COL26A1: variants seen among roughly 807,000 people sequenced by gnomAD.
COL26A1 encodes the protein collagen alpha-1(XXVI) chain.
COL26A1 carries 41 observed loss-of-function variants against 59.3 expected under a neutral mutation model. The ratio of observed to expected loss-of-function variants is 0.69; its 90% CI spans 0.54 to 0.90. COL26A1 has a LOEUF of 0.90. Among genes scored for constraint, COL26A1 ranks in the 40% least tolerant of loss-of-function variants. COL26A1 has a pLI of 0.00. For synonymous variants in COL26A1, 266 were observed against 256.0 expected (o/e 1.04, Z -0.37); for missense variants, 612 against 602.3 (o/e 1.02, Z -0.17).
intron 3 of COL26A1, among the ~76,000 whole-genome samples, chr7:101,524,122 T>C (rs1380151664): frequency 6.6e-6 from 1 of 151,896 alleles, no homozygotes; most frequent in Non-Finnish European, 1.5e-5. Context: ...ATACAAAAAA[T>C]TAGCCGGGCA....
intron 4 of COL26A1, among the ~76,000 whole-genome samples, chr7:101,539,011 C>T (rs1483240919): frequency 6.6e-6 from 1 of 152,230 alleles, no homozygotes; most frequent in Non-Finnish European, 1.5e-5. Flanking sequence ...TCGGGGGCAG[C>T]AGAGACTCAC....
At chr7:101,424,048 T>A (rs1236088881) in intron 2 of COL26A1, among the ~76,000 whole-genome samples, 3 of 150,754 alleles carry the variant, frequency 2.0e-5, no homozygotes, top group African/African-American at 7.3e-5. Flanking sequence ...TTTTTACAAA[T>A]TTTTTAAAAA....
Position 101,467,118 on chromosome 7 carries a change from G to A in COL26A1, c.385+19331G>A, listed in dbSNP as rs142865130. 2.7e-3 allele frequency among the ~76,000 whole-genome samples: 413 copies of A among 152,122 alleles called. 1 individual carries two copies. The highest frequency in any genetic ancestry group is 9.5e-3 in the African/African-American group (396 of 41,512). On this transcript the variant is annotated intron_variant, in intron 3 of 12. Transcript: ENST00000313669. ...GGGATGCTGTGAACGTCCCTGGGAG[G>A]TGGTGGGTTGTGTAGACAGAGGCCG...
chr7:101,363,624 G>T (rs1409407010), intron 1 of COL26A1, among the ~76,000 whole-genome samples: 1 of 132,482 alleles, frequency 7.5e-6, no homozygotes. Context: ...CTGCGGGGCT[G>T]CGGGGTTGCG....
rs541620995 is a variant in COL26A1 at position 101,507,945 on chromosome 7, C to T, written c.386-25137C>T. 2.6e-5 allele frequency among the ~76,000 whole-genome samples: 4 copies of T among 152,282 alleles called. No homozygotes were observed. In the East Asian group the frequency reaches 5.8e-4, roughly 22 times the overall value. On this transcript the variant is annotated intron_variant, in intron 3 of 12. Transcript: ENST00000313669. ...CCCCTTCCTCAAGGCACGTGACTGCCATCTGCTGGAAAACTGCCGTAATAT... is the reference window on the plus strand; with the variant it reads ...CCCCTTCCTCAAGGCACGTGACTGCTATCTGCTGGAAAACTGCCGTAATAT...
chr7:101,525,500 TG>T (rs1161967453), intron 3 of COL26A1, among the ~76,000 whole-genome samples: 1 of 136,634 alleles, frequency 7.3e-6, no homozygotes, highest in Non-Finnish European at 1.6e-5. Flanking sequence ...ACTGTTTTTT[TG>T]GTTTTTTTTT....
chr7:101,397,353 C>T (rs929501800), intron 1 of COL26A1, among the ~76,000 whole-genome samples: 17 of 116,306 alleles, frequency 1.5e-4, no homozygotes, highest in African/African-American at 5.4e-4. Context: ...CTTTCTTTTC[C>T]TTCCTTCCTT....
intron 2 of COL26A1, among the ~76,000 whole-genome samples, chr7:101,426,733 C>A (rs1418015527): frequency 6.6e-6 from 1 of 152,180 alleles, no homozygotes; most frequent in Non-Finnish European, 1.5e-5. Flanking sequence ...AGGTCCTGCA[C>A]TGAGCCTTGC....
chr7:101,401,116 G>A (rs774961126), intron 1 of COL26A1, among the ~76,000 whole-genome samples: 1 of 152,186 alleles, frequency 6.6e-6, no homozygotes, highest in African/African-American at 2.4e-5. Context: ...GGATGGCGCT[G>A]TCATACCAGC....
chr7:101,428,602 T>G (rs1335059896), intron 2 of COL26A1, among the ~76,000 whole-genome samples: 1 of 152,112 alleles, frequency 6.6e-6, no homozygotes, highest in African/African-American at 2.4e-5. Flanking sequence ...AAATATATTT[T>G]TGTGCATGTG....
intron 3 of COL26A1, among the ~76,000 whole-genome samples, chr7:101,528,375 G>C (rs1562790447): frequency 6.6e-6 from 1 of 152,256 alleles, no homozygotes. Flanking sequence ...AGTTTGCCCA[G>C]AGTTCCTGGA....
At chr7:101,507,103 CAG>C (rs1482583278) in intron 3 of COL26A1, among the ~76,000 whole-genome samples, 3 of 152,088 alleles carry the variant, frequency 2.0e-5, no homozygotes, top group African/African-American at 4.8e-5. Flanking sequence ...TTAGCAGAGA[CAG>C]AGTTTCACCA....
intron 3 of COL26A1, among the ~76,000 whole-genome samples, chr7:101,486,183 A>T (rs1794264534): frequency 6.6e-6 from 1 of 152,008 alleles, no homozygotes; most frequent in East Asian, 1.9e-4. Flanking sequence ...AAAAAAAAAA[A>T]AAAGTAGTCT....
rs148496430 is a variant in COL26A1 at position 101,494,127 on chromosome 7, C to CGTTTT, written c.386-38935_386-38931dup. ...GGTACTTCTACTTCTATTGCATTGT[C>CGTTTT]GTTTTGTTTTGTTTTGTTTTGTTTG... On this transcript the variant is annotated intron_variant, in intron 3 of 12. Coordinates refer to ENST00000313669, the MANE Select transcript of COL26A1 (RefSeq NM_001278563.3). Among the ~76,000 whole-genome samples the CGTTTT allele has an allele frequency of 4.3e-3, 651 of 151,508 alleles. 4 individuals carry two copies. The highest frequency in any genetic ancestry group is 7.1e-3 in the South Asian group (34 of 4,782).
intron 1 of COL26A1, among the ~76,000 whole-genome samples, chr7:101,408,645 G>A (rs1280456649): frequency 1.3e-5 from 2 of 152,222 alleles, no homozygotes; most frequent in Non-Finnish European, 2.9e-5. Context: ...CCACAACTCT[G>A]TTGACTCATG....
intron 3 of COL26A1, among the ~76,000 whole-genome samples, chr7:101,492,360 A>G (rs749776373): frequency 6.6e-6 from 1 of 152,160 alleles, no homozygotes; most frequent in Non-Finnish European, 1.5e-5. Context: ...ACTACTGTCA[A>G]AATTATTATT....
chr7:101,506,485 AC>A (rs1311409866), intron 3 of COL26A1, among the ~76,000 whole-genome samples: 1 of 152,016 alleles, frequency 6.6e-6, no homozygotes. Context: ...TACCCAGCCC[AC>A]CCCCTGGGAC....
At chr7:101,510,389 A>G (rs1164046603) in intron 3 of COL26A1, among the ~76,000 whole-genome samples, 1 of 152,038 alleles carries the variant, frequency 6.6e-6, no homozygotes, top group Admixed American at 6.6e-5. Flanking sequence ...AAACTCAGTA[A>G]TTCCGTTCAC....
At position 101,370,578 on chromosome 7, in the gene COL26A1, G is replaced by T. The variant is rs140912460; in HGVS notation, c.158+7388G>T. On this transcript the variant is annotated intron_variant, in intron 1 of 12. Coordinates refer to ENST00000313669, the MANE Select transcript of COL26A1 (RefSeq NM_001278563.3). ...GAAGAGATGGGGTTTTGTCATGTTG[G>T]CCAGGCTGGTCTCGAACTCCTGACC... 7.4e-3 allele frequency among the ~76,000 whole-genome samples: 1,125 copies of T among 152,024 alleles called. 16 individuals are homozygous for T. The highest frequency in any genetic ancestry group is 0.026 in the African/African-American group (1,078 of 41,454).
Sources: allele counts gnomAD v4.1 joint callset (sites outside exome capture counted in the v4.1 genomes callset), GRCh38; gene constraint gnomAD v4.1.1; transcripts MANE v1.5; gene names NCBI Gene and HGNC (gene_info 2026-07-23, HGNC 2026-07-21).